The following ADGRE3 variants were observed in gnomAD, a reference collection of about 807,000 sequenced individuals.
The protein encoded by ADGRE3 is EGF-like module receptor 3.
Under a neutral mutation model 80.1 loss-of-function variants are expected in ADGRE3, and 88 were observed. That is an observed-to-expected ratio of 1.10 (90% CI 0.93 to 1.31). The LOEUF is 1.31. Among genes scored for constraint, ADGRE3 ranks in the 40% most tolerant of loss-of-function variants. ADGRE3 has a pLI of 0.00. For missense variants in ADGRE3, 715 were observed against 776.5 expected, an observed-to-expected ratio of 0.92 and a Z score of 0.94; for synonymous variants, 281 against 294.8, an observed-to-expected ratio of 0.95 and a Z score of 0.48.
chr19:14,657,745 A>AT (rs1555762014), intron 5 of ADGRE3, among the ~76,000 whole-genome samples: 27,112 of 126,058 alleles, frequency 0.22, 3,093 homozygotes, highest in African/African-American at 0.37. Context: ...ATATATATAT[A>AT]TTTTTTTGTT....
chr19:14,647,779 CGTTTTAACAGA>C (rs1568488969), intron 7 of ADGRE3, among the ~76,000 whole-genome samples: 1 of 151,032 alleles, frequency 6.6e-6, no homozygotes, highest in African/African-American at 2.4e-5. Flanking sequence ...CTGGAGGATT[CGTTTTAACAGA>C]GTGCTGGCAC....
chr19:14,620,537 T>TATATATA lies in ADGRE3; in HGVS notation c.1921-1067_1921-1066insTATATAT, dbSNP rs1415988959. Among the ~76,000 whole-genome samples the TATATATA allele has an allele frequency of 5.4e-4, 10 of 18,448 alleles. 1 individual carries two copies. The highest frequency in any genetic ancestry group is 3.5e-3 in the Admixed American group (4 of 1,148). 12.1% of individuals were successfully genotyped at this position (18,448 alleles called of 152,430 possible). ...ATGACTATATATGAATATATATATTTTATATATATATTATATATATATATA... is the reference window on the plus strand; with the variant it reads ...ATGACTATATATGAATATATATATTTATATATATATATATATATTATATATATATATA... On this transcript the variant is annotated intron_variant, in intron 15 of 15. Coordinates refer to ENST00000253673, the MANE Select transcript of ADGRE3 (RefSeq NM_032571.5).
At chr19:14,656,353 CAAA>C (rs747939718) in intron 5 of ADGRE3, among the ~76,000 whole-genome samples, 32 of 82,396 alleles carry the variant, frequency 3.9e-4, no homozygotes, top group African/African-American at 3.9e-4. Context: ...GACTCCATCT[CAAA>C]AAAAAAAAAA....
At chr19:14,656,626 T>C (rs1390216100) in intron 5 of ADGRE3, among the ~76,000 whole-genome samples, 2 of 152,158 alleles carry the variant, frequency 1.3e-5, no homozygotes, top group African/African-American at 4.8e-5. Flanking sequence ...CTCCTTACTG[T>C]ACACGTGACT....
chr19:14,617,198 ATG>A (rs2075079587), downstream of ADGRE3, among the ~76,000 whole-genome samples: 1 of 151,068 alleles, frequency 6.6e-6, no homozygotes, highest in African/African-American at 2.4e-5. Context: ...GGGCCTGAAC[ATG>A]TGTCCTCTCT....
chr19:14,674,824 C>G lies in ADGRE3; in HGVS notation c.-54G>C. 8 of 1,586,006 alleles carry G rather than the reference C, an allele frequency of 5.0e-6. No homozygotes were observed. The highest frequency in any genetic ancestry group is 1.1e-5 in the South Asian group (1 of 88,930). On this transcript the variant is annotated 5_prime_UTR_variant, in exon 1 of 16. Transcript: ENST00000253673. ...CAGCCCTGGAAGCTCTCTACTGTGC[C>G]GTAAGCCAACCACCTTTCCTAGCTC...
chr19:14,669,140 A>G (rs1335315417), intron 1 of ADGRE3, among the ~76,000 whole-genome samples: 1 of 152,210 alleles, frequency 6.6e-6, no homozygotes, highest in East Asian at 1.9e-4. Context: ...TATTCACAAT[A>G]GGCAAGTCAC....
At chr19:14,620,535 T>TATTATATA (rs1491197917) in intron 15 of ADGRE3, among the ~76,000 whole-genome samples, 1 of 16,862 alleles carries the variant, frequency 5.9e-5, no homozygotes, top group Non-Finnish European at 9.7e-5. Flanking sequence ...AATATATATA[T>TATTATATA]TTTATATATA....
At chr19:14,606,950 T>G in the ADGRE3 span, 1 of 1,077,248 alleles carries the variant, frequency 9.3e-7, no homozygotes, top group Non-Finnish European at 1.2e-6. Flanking sequence ...ACCCTGAGGG[T>G]CATGTAGAGG....
intron 15 of ADGRE3, among the ~76,000 whole-genome samples, chr19:14,623,299 T>TAAAAAAAAA (rs1325415854): frequency 1.2e-4 from 2 of 16,688 alleles, no homozygotes; most frequent in African/African-American, 2.2e-4. Context: ...AAAAAAAAAA[T>TAAAAAAAAA]AAAAAAAAAA....
rs769730847 is a variant in ADGRE3 at position 14,641,423 on chromosome 19, G to T, written c.1244C>A (p.Pro415His). 9 of 1,613,944 alleles carry T rather than the reference G, an allele frequency of 5.6e-6. No homozygotes were observed. Among genetic ancestry groups the T allele is most frequent in the African/African-American group, 1.3e-5 (1 of 74,896 alleles). ...CCTCTGAGACACTGTCAGTACCTTG[G>T]GTTCAGTTCGATCAATCCCCACGAG... is the stretch of plus-strand genomic sequence containing the variant. ...LFLVGIDRTE[P>H]KVLCSIIAGA... Residue 415 changes from proline (P) to histidine (H), a missense_variant, in exon 10 of 16, where the codon CCC becomes CAC. Physicochemically the swap from Pro to His is moderately conservative, Grantham distance 77. Transcript: ENST00000253673.
intron 10 of ADGRE3, among the ~76,000 whole-genome samples, chr19:14,638,643 C>G (rs915206679): frequency 5.9e-5 from 9 of 152,050 alleles, no homozygotes; most frequent in Admixed American, 5.9e-4. Context: ...ACCTGGGCAC[C>G]AATCCCTTCA....
chr19:14,638,360 T>C lies in ADGRE3; in HGVS notation c.1249-20A>G. ...CAGCACCTGGGGGAGGAGAAAGGGA[T>C]GCCTGAAGGGGTTGTCAGGGTGGAG... On this transcript the variant is annotated intron_variant, in intron 10 of 15. Transcript: ENST00000253673. 6.3e-7 allele frequency: 1 copy of C among 1,596,534 alleles called. No homozygotes were observed. The highest frequency in any genetic ancestry group is 8.6e-7 in the Non-Finnish European group (1 of 1,164,546).
At chr19:14,608,140 G>T in the ADGRE3 span, among the ~76,000 whole-genome samples, 1 of 152,172 alleles carries the variant, frequency 6.6e-6, no homozygotes, top group African/African-American at 2.4e-5. Context: ...CCAAAGTGCT[G>T]GGATGACAGG....
At chr19:14,609,957 G>C in the ADGRE3 span, 2 of 814,192 alleles carry the variant, frequency 2.5e-6, no homozygotes, top group Non-Finnish European at 4.1e-6. Context: ...CCTAATATGG[G>C]TTTTGCCAAA....
the ADGRE3 span, among the ~76,000 whole-genome samples, chr19:14,613,375 A>C: frequency 6.7e-6 from 1 of 148,820 alleles, no homozygotes; most frequent in African/African-American, 2.5e-5. Context: ...GTGTGCCCCC[A>C]CCACACCCAG....
At chr19:14,648,944 C>T (rs886584994) in intron 7 of ADGRE3, among the ~76,000 whole-genome samples, 1 of 151,950 alleles carries the variant, frequency 6.6e-6, no homozygotes, top group Non-Finnish European at 1.5e-5. Flanking sequence ...TCTCTCTCCC[C>T]ATCTCTCTCT....
downstream of ADGRE3, among the ~76,000 whole-genome samples, chr19:14,617,319 T>TC (rs1174965277): frequency 2.6e-5 from 2 of 75,556 alleles, no homozygotes; most frequent in East Asian, 6.9e-4. Context: ...CTCTTCCCCT[T>TC]GCTTCCCTCC....
intron 2 of ADGRE3, 21 bp downstream of exon 2, chr19:14,668,781 G>C: frequency 6.2e-7 from 1 of 1,612,282 alleles, no homozygotes; most frequent in Middle Eastern, 1.7e-4. Context: ...CAAGTTCTCT[G>C]TTCTGGCTCT....
Sources: gnomAD v4.1 joint callset for allele counts (sites outside exome capture counted in the v4.1 genomes callset) on GRCh38, gnomAD v4.1.1 for gene constraint, MANE v1.5 for transcripts, NCBI Gene and HGNC (gene_info 2026-07-23, HGNC 2026-07-21) for gene names.